CSMD1: variants seen among roughly 807,000 people sequenced by gnomAD.
CSMD1 encodes CUB and sushi domain-containing protein 1.
CSMD1 carries 213 observed loss-of-function variants against 417.5 expected under a neutral mutation model. The ratio of observed to expected loss-of-function variants is 0.51; its 90% CI spans 0.46 to 0.57. CSMD1 has a LOEUF of 0.57. Among genes scored for constraint, CSMD1 ranks in the 20% least tolerant of loss-of-function variants. The pLI is 0.00. For synonymous variants in CSMD1, 2,862 were observed against 1,736.8 expected (o/e 1.65, Z -16.11); for missense variants, 6,923 against 4,529.7 (o/e 1.53, Z -15.17).
chr8:4,574,568 C>T (rs766226766), intron 2 of CSMD1, among the ~76,000 whole-genome samples: 3 of 152,174 alleles, frequency 2.0e-5, no homozygotes, highest in Non-Finnish European at 4.4e-5. Flanking sequence ...TGTTCCTATT[C>T]GGTCATCTTG....
At chr8:4,270,717 G>C (rs909640293) in intron 3 of CSMD1, among the ~76,000 whole-genome samples, 1 of 152,148 alleles carries the variant, frequency 6.6e-6, no homozygotes, top group Non-Finnish European at 1.5e-5. Context: ...CATTTGTAAT[G>C]TGAAAATAGA....
chr8:3,768,806 C>A (rs1188727141), intron 5 of CSMD1, among the ~76,000 whole-genome samples: 2 of 152,212 alleles, frequency 1.3e-5, no homozygotes, highest in Non-Finnish European at 2.9e-5. Flanking sequence ...TTGCTGGTAA[C>A]TTGCTAATCC....
rs184078860 is a variant in CSMD1 at position 3,782,842 on chromosome 8, A to G, written c.819-28800T>C. 4.6e-5 allele frequency among the ~76,000 whole-genome samples: 7 copies of G among 152,310 alleles called. No homozygotes were observed. In the East Asian group the frequency reaches 1.2e-3, roughly 25 times the overall value. ...TTCTAGCATGAACACTTATGGAGCG[A>G]CTTTCTTGCCCTAGCTCGCCTGGGA... On this transcript the variant is annotated intron_variant, in intron 5 of 69. Transcript: ENST00000635120.
intron 1 of CSMD1, among the ~76,000 whole-genome samples, chr8:4,690,007 A>C (rs1009707652): frequency 6.6e-6 from 1 of 152,218 alleles, no homozygotes; most frequent in Admixed American, 6.5e-5. Context: ...TTTAAAAATA[A>C]ATAAATAAAG....
chr8:4,413,026 A>G (rs765712543), intron 3 of CSMD1, among the ~76,000 whole-genome samples: 2 of 152,220 alleles, frequency 1.3e-5, no homozygotes, highest in Admixed American at 6.5e-5. Context: ...AGTCTATACA[A>G]TGTTCTTTCC....
chr8:3,553,122 G>GAAAA (rs111389411), intron 10 of CSMD1, among the ~76,000 whole-genome samples: 1 of 146,784 alleles, frequency 6.8e-6, no homozygotes, highest in Non-Finnish European at 1.5e-5. Flanking sequence ...TGTGGACAAG[G>GAAAA]AGAAAAAAAA....
At chr8:4,573,711 G>C (rs1015624042) in intron 2 of CSMD1, among the ~76,000 whole-genome samples, 2 of 152,150 alleles carry the variant, frequency 1.3e-5, no homozygotes, top group African/African-American at 4.8e-5. Context: ...GTCTGCTGAA[G>C]CTGCACCCAC....
intron 1 of CSMD1, among the ~76,000 whole-genome samples, chr8:4,771,848 TA>T (rs893664258): frequency 6.6e-6 from 1 of 152,208 alleles, no homozygotes. Flanking sequence ...GTTGTGGTTT[TA>T]ATCCACGAGG....
At chr8:3,354,219 G>C (rs1808593565) in intron 21 of CSMD1, among the ~76,000 whole-genome samples, 1 of 152,132 alleles carries the variant, frequency 6.6e-6, no homozygotes, top group Admixed American at 6.5e-5. Context: ...TTCTACAGCT[G>C]AAGCAACTTG....
chr8:4,003,131 T>A (rs1179329436), intron 4 of CSMD1, among the ~76,000 whole-genome samples: 1 of 152,176 alleles, frequency 6.6e-6, no homozygotes, highest in Non-Finnish European at 1.5e-5. Context: ...CGGTGGCTGA[T>A]GCCTGTAGTC....
intron 23 of CSMD1, among the ~76,000 whole-genome samples, chr8:3,314,665 CCAAA>C (rs1332216208): frequency 1.3e-5 from 2 of 152,176 alleles, no homozygotes; most frequent in African/African-American, 4.8e-5. Context: ...AAAACAAGCT[CCAAA>C]CATTCAGCTG....
In CSMD1 at chr8:2,969,658, T is replaced by C. The variant is rs149790541; in HGVS notation, c.8924-2912A>G. ...GGATTAGTCAAGTCATAGCTAGTCA[T>C]AGAAGCTACGCTTCCTGGAAATGCA... On this transcript the variant is annotated intron_variant, in intron 57 of 69. Transcript: ENST00000635120. 7.1e-3 allele frequency among the ~76,000 whole-genome samples: 1,079 copies of C among 152,334 alleles called. 7 individuals are homozygous for C. The highest frequency in any genetic ancestry group is 0.024 in the Middle Eastern group (7 of 294).
chr8:4,156,781 G>A (rs541611897), intron 3 of CSMD1, among the ~76,000 whole-genome samples: 94 of 152,214 alleles, frequency 6.2e-4, no homozygotes, highest in African/African-American at 2.1e-3. Context: ...ACAGACTTTT[G>A]GGAAGGGCCC....
At position 4,511,538 on chromosome 8, in the gene CSMD1, G is replaced by C. The variant is rs950027347; in HGVS notation, c.303-91473C>G. Reference sequence around the variant, plus strand: ...TAAGAGAAAGCTCCACAAACTGAAAGATCAATTCTTCTTAGATCATTCAGA... The same window carrying C: ...TAAGAGAAAGCTCCACAAACTGAAACATCAATTCTTCTTAGATCATTCAGA... On this transcript the variant is annotated intron_variant, in intron 2 of 69. Coordinates refer to ENST00000635120, the MANE Select transcript of CSMD1 (RefSeq NM_033225.6). Among the ~76,000 whole-genome samples the C allele has an allele frequency of 2.8e-4, 43 of 152,202 alleles. 1 individual carries two copies. The highest frequency in any genetic ancestry group is 8.2e-4 in the African/African-American group (34 of 41,448).
chr8:4,990,516 A>T (rs1329224452), intron 1 of CSMD1, among the ~76,000 whole-genome samples: 1 of 152,124 alleles, frequency 6.6e-6, no homozygotes, highest in African/African-American at 2.4e-5. Flanking sequence ...GGCATGCGCC[A>T]CCACGCCCAG....
intron 3 of CSMD1, among the ~76,000 whole-genome samples, chr8:4,386,344 T>A (rs559006906): frequency 1.5e-3 from 228 of 151,556 alleles, no homozygotes; most frequent in African/African-American, 5.3e-3. Context: ...CGGTTATGAC[T>A]TCCATCCCAC....
intron 5 of CSMD1, among the ~76,000 whole-genome samples, chr8:3,932,385 A>G (rs1367262287): frequency 6.6e-6 from 1 of 150,526 alleles, no homozygotes; most frequent in Non-Finnish European, 1.5e-5. Context: ...GTGTTTTGCT[A>G]TGCCTGCAAC....
At chr8:3,831,599 T>C (rs985787299) in intron 5 of CSMD1, among the ~76,000 whole-genome samples, 2 of 152,204 alleles carry the variant, frequency 1.3e-5, no homozygotes, top group Non-Finnish European at 2.9e-5. Context: ...ATGTCCTCTC[T>C]AATATTATAG....
At position 4,583,532 on chromosome 8, in the gene CSMD1, G is replaced by C. The variant is rs948621476; in HGVS notation, c.302+53810C>G. 2.0e-5 allele frequency among the ~76,000 whole-genome samples: 3 copies of C among 151,960 alleles called. No individual in the cohort carries two copies. In the South Asian group the frequency reaches 6.2e-4, roughly 32 times the overall value. ...TACACCAATCGACACTCTGTATCTT[G>C]CTCAAGGTTTGTAAACACACCAATC... is the stretch of plus-strand genomic sequence containing the variant. On this transcript the variant is annotated intron_variant, in intron 2 of 69. Transcript: ENST00000635120.
Sources: gnomAD v4.1 joint callset for allele counts (sites outside exome capture counted in the v4.1 genomes callset) on GRCh38, gnomAD v4.1.1 for gene constraint, MANE v1.5 for transcripts, NCBI Gene and HGNC (gene_info 2026-07-23, HGNC 2026-07-21) for gene names.